Variants in ACTA2 observed in about 807,000 individuals in gnomAD.
The protein encoded by ACTA2 is actin alpha 2, smooth muscle, also known as actin, aortic smooth muscle.
A neutral mutation model predicts 39.5 loss-of-function variants in ACTA2; 12 were observed. The observed-to-expected ratio is 0.30, with a 90% CI of 0.19 to 0.49. ACTA2 has a LOEUF of 0.49. Ranked by LOEUF, ACTA2 falls within the 20% of genes least tolerant of loss-of-function variation. The probability of loss-of-function intolerance (pLI) is 0.99; values close to 1 mark genes in which losing one functional copy is unlikely to be tolerated. For missense variants in ACTA2, 236 were observed against 498.8 expected (o/e 0.47, Z 5.02); for synonymous variants, 158 against 180.6 (o/e 0.88, Z 1.00).
chr10:88,941,932 G>A, intron 4 of ACTA2, 63 bp from the exon 5 acceptor site: 2 of 1,453,428 alleles, frequency 1.4e-6, no homozygotes, highest in East Asian at 2.4e-5. Context: ...ATGGTCAGGA[G>A]AGCACACCTG....
upstream of ACTA2, among the ~76,000 whole-genome samples, chr10:88,957,470 A>G (rs1183376891): frequency 6.6e-6 from 1 of 152,148 alleles, no homozygotes; most frequent in Non-Finnish European, 1.5e-5. Context: ...GAAAATACCT[A>G]TTACTCCTTT....
upstream of ACTA2, among the ~76,000 whole-genome samples, chr10:88,954,818 A>G (rs1303490475): frequency 6.6e-6 from 1 of 152,150 alleles, no homozygotes; most frequent in Non-Finnish European, 1.5e-5. Context: ...TAAACAAGTG[A>G]TTAAATGATC....
In ACTA2 at chr10:88,990,822, C is replaced by T. The variant is rs781717166; in HGVS notation, c.-24+117G>A. ...CCTCTTCTCCCGCGGGTTGGTGGAC[C>T]CGCTCAGTACGGAGTTGGGGAAGCT... On this transcript the variant is annotated intron_variant, in intron 1 of 4. Transcript: ENST00000415557. The surrounding 1 kb of genome is among the most constrained non-coding windows in gnomAD (Gnocchi z 4.9). 6 of 1,612,826 alleles carry T rather than the reference C, an allele frequency of 3.7e-6. No individual in the cohort carries two copies. In the East Asian group the frequency reaches 1.1e-4, roughly 30 times the overall value.
chr10:88,948,012 T>C (rs1845983881), intron 2 of ACTA2, among the ~76,000 whole-genome samples: 1 of 152,176 alleles, frequency 6.6e-6, no homozygotes, highest in African/African-American at 2.4e-5. Flanking sequence ...AAAATTATTG[T>C]TACTAGATTT....
At chr10:88,961,806 A>G (rs1846230595) in intron 1 of ACTA2, among the ~76,000 whole-genome samples, 1 of 152,202 alleles carries the variant, frequency 6.6e-6, no homozygotes, top group African/African-American at 2.4e-5. Flanking sequence ...GGTGTTTGCT[A>G]GGTTTCAATG....
chr10:88,940,489 A>G (rs1225285712), intron 6 of ACTA2: 3 of 155,610 alleles, frequency 1.9e-5, no homozygotes, highest in Admixed American at 1.2e-4. Flanking sequence ...AATTTGGAGC[A>G]TAAAATAAGC....
chr10:88,952,428 AC>A (rs1331812483), intron 1 of ACTA2, among the ~76,000 whole-genome samples: 7 of 152,308 alleles, frequency 4.6e-5, no homozygotes, highest in Admixed American at 6.5e-5. Flanking sequence ...TAACCTGCAT[AC>A]CTGTATTGTG....
At chr10:88,955,648 T>C (rs955719433), upstream of ACTA2, among the ~76,000 whole-genome samples, 10 of 152,222 alleles carry the variant, frequency 6.6e-5, no homozygotes, top group African/African-American at 2.4e-4. Flanking sequence ...GTCTAAAGGC[T>C]GGTATTTCAG....
At chr10:88,966,856 G>A (rs1398298739) in intron 1 of ACTA2, among the ~76,000 whole-genome samples, 5 of 152,192 alleles carry the variant, frequency 3.3e-5, no homozygotes, top group Non-Finnish European at 7.4e-5. Flanking sequence ...TCAGATATTA[G>A]GTGTCAGGTG....
chr10:88,956,841 G>A (rs1485467666), upstream of ACTA2, among the ~76,000 whole-genome samples: 1 of 152,212 alleles, frequency 6.6e-6, no homozygotes. Context: ...CACATTTCTG[G>A]AAGCCAGGAA....
intron 1 of ACTA2, among the ~76,000 whole-genome samples, chr10:88,987,126 G>A (rs190553476): frequency 1.2e-4 from 19 of 152,202 alleles, no homozygotes; most frequent in Admixed American, 1.2e-3. Context: ...TTGTCACTTG[G>A]CCACTGTGGG....
Position 88,990,995 on chromosome 10 carries a change from TGCGGCGGCA to T in ACTA2, c.-89_-81del. ...GGCGGGCGCGGGACGCGTGCGGGATTGCGGCGGCAGCGGCGCACGCGGGCACCTGGGAGC... is the reference window on the plus strand; with the variant it reads ...GGCGGGCGCGGGACGCGTGCGGGATTGCGGCGCACGCGGGCACCTGGGAGC... On this transcript the variant is annotated 5_prime_UTR_variant, in exon 1 of 5. Transcript: ENST00000415557. The surrounding 1 kb of genome is among the most constrained non-coding windows in gnomAD (Gnocchi z 4.9). 6 of 1,588,584 alleles carry T rather than the reference TGCGGCGGCA, an allele frequency of 3.8e-6. No individual in the cohort carries two copies. In the South Asian group the frequency reaches 4.4e-5, roughly 12 times the overall value.
chr10:88,975,347 A>G (rs1846537027), intron 1 of ACTA2, among the ~76,000 whole-genome samples: 1 of 152,244 alleles, frequency 6.6e-6, no homozygotes, highest in Non-Finnish European at 1.5e-5. Context: ...TATTAGCTCC[A>G]TGCAGAAAAA....
At position 88,971,048 on chromosome 10, in the gene ACTA2, A is replaced by G. The variant is rs140088680; in HGVS notation, c.-24+19891T>C. On this transcript the variant is annotated intron_variant, in intron 1 of 4. Transcript: ENST00000415557. The stretch of plus-strand genomic sequence containing the variant: ...GTAAAGGCAAACCTTGTCTTCTGTC[A>G]TGATCTACAGATGGCACAAATAATA... Among the ~76,000 whole-genome samples the G allele has an allele frequency of 4.6e-5, 7 of 152,374 alleles. No homozygotes were observed. The East Asian group carries it at 1.3e-3, about 29-fold the overall frequency.
chr10:88,941,433 A>T, intron 5 of ACTA2, 43 bp from the exon 6 acceptor site: 1 of 1,613,080 alleles, frequency 6.2e-7, no homozygotes, highest in Non-Finnish European at 8.5e-7. Flanking sequence ...GGCAGCTGGC[A>T]TGTGGTTACT....
intron 1 of ACTA2, among the ~76,000 whole-genome samples, chr10:88,977,268 G>C (rs1175027741): frequency 2.6e-5 from 4 of 151,556 alleles, no homozygotes; most frequent in Non-Finnish European, 5.9e-5. Flanking sequence ...TAATGCCTAG[G>C]TTTTCTTCTA....
chr10:88,964,557 C>A (rs1846288788), intron 1 of ACTA2, among the ~76,000 whole-genome samples: 1 of 152,170 alleles, frequency 6.6e-6, no homozygotes, highest in Non-Finnish European at 1.5e-5. Context: ...CCCTGGTGAT[C>A]AACCTTTGTC....
At chr10:88,963,786 C>T (rs536579003) in intron 1 of ACTA2, among the ~76,000 whole-genome samples, 6 of 152,104 alleles carry the variant, frequency 3.9e-5, no homozygotes, top group African/African-American at 9.7e-5. Flanking sequence ...AACTAATATC[C>T]GTGTTTGGCT....
intron 2 of ACTA2, chr10:88,948,309 T>C (rs1845989872): frequency 1.2e-5 from 2 of 167,170 alleles, no homozygotes; most frequent in South Asian, 2.8e-4. Flanking sequence ...CCACCAATAC[T>C]TTGTTTACAC....
Sources: gnomAD v4.1 joint callset for allele counts (sites outside exome capture counted in the v4.1 genomes callset) on GRCh38, gnomAD v4.1.1 for gene constraint, Gnocchi (gnomAD v3.1) non-coding constraint, MANE v1.5 for transcripts, NCBI Gene and HGNC (gene_info 2026-07-23, HGNC 2026-07-21) for gene names.